The following CPLX2 variants were observed in gnomAD, a reference collection of about 807,000 sequenced individuals.
The protein encoded by CPLX2 is complexin 2.
A neutral mutation model predicts 16.3 loss-of-function variants in CPLX2; 5 were observed. The ratio of observed to expected loss-of-function variants is 0.31; its 90% CI spans 0.16 to 0.64. The LOEUF (loss-of-function observed/expected upper bound fraction) is 0.64. Among genes scored for constraint, CPLX2 ranks in the 30% least tolerant of loss-of-function variants. The pLI is 0.79. For synonymous variants in CPLX2, 89 were observed against 73.2 expected, an observed-to-expected ratio of 1.22 and a Z score of -1.10; for missense variants, 144 against 181.4, an observed-to-expected ratio of 0.79 and a Z score of 1.18.
intron 2 of CPLX2, among the ~76,000 whole-genome samples, chr5:175,825,727 C>T (rs1009343566): frequency 6.6e-6 from 1 of 151,918 alleles, no homozygotes; most frequent in Non-Finnish European, 1.5e-5. Flanking sequence ...TATTGCTGGG[C>T]GGGAGATAGC....
At position 175,836,146 on chromosome 5, in the gene CPLX2, C is replaced by G. The variant is rs540434578; in HGVS notation, c.-89+27078C>G. Among the ~76,000 whole-genome samples, 422 of 152,168 alleles carry G rather than the reference C, an allele frequency of 2.8e-3. 2 individuals carry two copies. Among genetic ancestry groups the G allele is most frequent in the Non-Finnish European group, 4.5e-3 (309 of 67,984 alleles). The stretch of plus-strand genomic sequence containing the variant: ...CGGGCAGATCACGAGGTCAGGAGAT[C>G]GAAACCATCCTGGCTAACACGGTGA... On this transcript the variant is annotated intron_variant, in intron 2 of 4. Coordinates refer to the CPLX2 transcript ENST00000359546.
upstream of CPLX2, among the ~76,000 whole-genome samples, chr5:175,867,904 C>T (rs1308389874): frequency 2.0e-5 from 3 of 152,228 alleles, no homozygotes; most frequent in East Asian, 1.9e-4. Flanking sequence ...TGATGGCACC[C>T]GGCCATTGTC....
At chr5:175,811,882 C>T (rs1279194734) in intron 2 of CPLX2, among the ~76,000 whole-genome samples, 1 of 152,228 alleles carries the variant, frequency 6.6e-6, no homozygotes, top group Non-Finnish European at 1.5e-5. Context: ...AGGACCTTTT[C>T]ATATTTTTAA....
intron 2 of CPLX2, among the ~76,000 whole-genome samples, chr5:175,821,909 A>C (rs1222062292): frequency 6.6e-6 from 1 of 152,186 alleles, no homozygotes; most frequent in Non-Finnish European, 1.5e-5. Flanking sequence ...GGCCAGTGTG[A>C]TAAAGGAGAC....
chr5:175,800,628 C>T (rs1253278835), intron 1 of CPLX2, among the ~76,000 whole-genome samples: 1 of 152,126 alleles, frequency 6.6e-6, no homozygotes, highest in Admixed American at 6.5e-5. Context: ...CAGTATATTA[C>T]CTGGGCCTAG....
At chr5:175,851,080 G>A (rs566001260) in intron 2 of CPLX2, among the ~76,000 whole-genome samples, 16 of 152,100 alleles carry the variant, frequency 1.1e-4, no homozygotes, top group African/African-American at 3.6e-4. Context: ...TGGTTCTGGT[G>A]GGAGATAAAT....
intron 1 of CPLX2, chr5:175,805,541 C>T (rs1045118686): frequency 6.6e-5 from 10 of 152,322 alleles, no homozygotes; most frequent in African/African-American, 1.7e-4. Flanking sequence ...CAAGGCTTTC[C>T]GTGTCCAGAC....
In CPLX2 at chr5:175,880,203, A is replaced by T; in HGVS notation, c.*158A>T. The T allele has an allele frequency of 1.3e-6, 1 of 769,662 alleles. No homozygotes were observed. Among genetic ancestry groups the T allele is most frequent in the South Asian group, 1.5e-5 (1 of 67,716 alleles). The allele number at this position is 769,662 out of a possible 1,614,324, so 47.7% of individuals were successfully genotyped here. A position where few individuals can be genotyped will look rare whatever the true frequency, so the allele number is the denominator to read the frequency against. Reference sequence around the variant, plus strand: ...GGCTTCTCCCCCTCAGCTCTCCCTCACACCTCCCTTCATCCCAGGGTATCC... The same window carrying T: ...GGCTTCTCCCCCTCAGCTCTCCCTCTCACCTCCCTTCATCCCAGGGTATCC... On this transcript the variant is annotated 3_prime_UTR_variant, in exon 4 of 4. Coordinates refer to ENST00000393745, the MANE Select transcript of CPLX2 (RefSeq NM_001008220.2).
chr5:175,824,588 A>C (rs1758574553), intron 2 of CPLX2, among the ~76,000 whole-genome samples: 1 of 152,238 alleles, frequency 6.6e-6, no homozygotes, highest in Admixed American at 6.5e-5. Flanking sequence ...CTTGGCAGTG[A>C]AACAGGCCAA....
chr5:175,838,440 T>G (rs1392456414), intron 2 of CPLX2, among the ~76,000 whole-genome samples: 5 of 152,038 alleles, frequency 3.3e-5, no homozygotes, highest in Non-Finnish European at 7.4e-5. Flanking sequence ...GCTAATTTTT[T>G]TGTATTTTTA....
chr5:175,820,853 T>C (rs1758493852), intron 2 of CPLX2, among the ~76,000 whole-genome samples: 1 of 152,142 alleles, frequency 6.6e-6, no homozygotes, highest in Non-Finnish European at 1.5e-5. Flanking sequence ...GTAAACAGGA[T>C]GCCTTTGGAT....
chr5:175,833,177 A>G (rs559161698), intron 2 of CPLX2, among the ~76,000 whole-genome samples: 5 of 151,912 alleles, frequency 3.3e-5, no homozygotes, highest in South Asian at 4.2e-4. Context: ...GAGAAAAGAA[A>G]AGAAAGGAAA....
intron 2 of CPLX2, among the ~76,000 whole-genome samples, chr5:175,835,257 A>G (rs992741008): frequency 1.6e-4 from 25 of 152,268 alleles, no homozygotes; most frequent in Non-Finnish European, 2.4e-4. Context: ...AAAACACAAC[A>G]TTGAGAAATA....
At chr5:175,797,685 C>T (rs1465048534) in intron 1 of CPLX2, among the ~76,000 whole-genome samples, 3 of 152,084 alleles carry the variant, frequency 2.0e-5, no homozygotes, top group African/African-American at 2.4e-5. Flanking sequence ...CGGGACAGCT[C>T]CAGGCTCCCT....
At chr5:175,837,276 TC>T (rs1343287615) in intron 2 of CPLX2, among the ~76,000 whole-genome samples, 1 of 152,088 alleles carries the variant, frequency 6.6e-6, no homozygotes, top group Admixed American at 6.5e-5. Flanking sequence ...TCTGCACGGC[TC>T]CCCGCAGCAG....
chr5:175,817,053 G>A (rs993822478), intron 2 of CPLX2, among the ~76,000 whole-genome samples: 1 of 152,254 alleles, frequency 6.6e-6, no homozygotes, highest in Non-Finnish European at 1.5e-5. Flanking sequence ...CGGGGATACC[G>A]ACCCTCACTG....
chr5:175,822,175 A>G (rs551295055), intron 2 of CPLX2, among the ~76,000 whole-genome samples: 10 of 151,852 alleles, frequency 6.6e-5, no homozygotes, highest in African/African-American at 2.4e-4. Context: ...TTTCTCTTTC[A>G]TCTGTACTTT....
chr5:175,863,110 G>A lies in CPLX2; in HGVS notation c.-88-15542G>A, dbSNP rs553240534. Among the ~76,000 whole-genome samples, 392 of 152,328 alleles carry A rather than the reference G, an allele frequency of 2.6e-3. 1 individual carries two copies. The highest frequency in any genetic ancestry group is 8.4e-3 in the African/African-American group (348 of 41,568). ...CAGGGCTGAGCCAAGCTGACTGGAAGTGCACAAAGGCCTACCCCAGAGGGA... is the reference window on the plus strand; with the variant it reads ...CAGGGCTGAGCCAAGCTGACTGGAAATGCACAAAGGCCTACCCCAGAGGGA... On this transcript the variant is annotated intron_variant, in intron 2 of 4. Transcript: ENST00000359546.
intron 2 of CPLX2, among the ~76,000 whole-genome samples, chr5:175,832,261 G>A (rs1274813475): frequency 6.6e-6 from 1 of 152,192 alleles, no homozygotes; most frequent in Non-Finnish European, 1.5e-5. Flanking sequence ...AGTGCCATGA[G>A]GAATGGAGAA....
Sources: gnomAD v4.1 joint callset for allele counts (sites outside exome capture counted in the v4.1 genomes callset) on GRCh38, gnomAD v4.1.1 for gene constraint, MANE v1.5 for transcripts, NCBI Gene and HGNC (gene_info 2026-07-23, HGNC 2026-07-21) for gene names.